The following CSMD1 variants were observed in gnomAD, a reference collection of about 807,000 sequenced individuals.
The protein encoded by CSMD1 is CUB and Sushi multiple domains 1.
CSMD1 carries 213 observed loss-of-function variants against 417.5 expected under a neutral mutation model. The ratio of observed to expected loss-of-function variants is 0.51; its 90% CI spans 0.46 to 0.57. The LOEUF is 0.57. CSMD1 is among the 20% of genes least tolerant of loss of function. The probability of loss-of-function intolerance (pLI) is 0.00; values close to 1 mark genes in which losing one functional copy is unlikely to be tolerated. For synonymous variants in CSMD1, 2,862 were observed against 1,736.8 expected, an observed-to-expected ratio of 1.65 and a Z score of -16.11; for missense variants, 6,923 against 4,529.7, an observed-to-expected ratio of 1.53 and a Z score of -15.17.
At chr8:4,973,224 G>A (rs1363103277) in intron 1 of CSMD1, among the ~76,000 whole-genome samples, 1 of 152,060 alleles carries the variant, frequency 6.6e-6, no homozygotes, top group Non-Finnish European at 1.5e-5. Context: ...ATATTATTGA[G>A]AGAAAGCATT....
chr8:3,411,898 GTATATATACACGTATATA>G (rs1812769927), intron 12 of CSMD1, among the ~76,000 whole-genome samples: 1 of 77,542 alleles, frequency 1.3e-5, no homozygotes, highest in Admixed American at 1.3e-4. Flanking sequence ...ATATATGCAC[GTATATATACACGTATATA>G]TGCACGTATA....
intron 2 of CSMD1, among the ~76,000 whole-genome samples, chr8:4,433,291 T>C (rs1252927327): frequency 2.0e-5 from 3 of 152,192 alleles, no homozygotes; most frequent in Admixed American, 1.3e-4. Context: ...CCCTGGTCCG[T>C]AGAAAAACTG....
At chr8:3,531,615 C>G (rs897659441) in intron 10 of CSMD1, among the ~76,000 whole-genome samples, 2 of 152,080 alleles carry the variant, frequency 1.3e-5, no homozygotes, top group Admixed American at 6.6e-5. Context: ...CTGGTCCACT[C>G]CAGGTTATGT....
At chr8:3,797,768 G>A (rs765742877) in intron 5 of CSMD1, among the ~76,000 whole-genome samples, 53 of 151,910 alleles carry the variant, frequency 3.5e-4, no homozygotes, top group Non-Finnish European at 6.0e-4. Context: ...TTCATTAAAC[G>A]TGATAAAACA....
intron 5 of CSMD1, among the ~76,000 whole-genome samples, chr8:3,905,169 G>T (rs1342373304): frequency 6.6e-6 from 1 of 151,648 alleles, no homozygotes; most frequent in Non-Finnish European, 1.5e-5. Flanking sequence ...TTAATAACAG[G>T]CAAACATAGA....
chr8:3,981,024 C>G (rs201462597), intron 5 of CSMD1, among the ~76,000 whole-genome samples: 2 of 152,198 alleles, frequency 1.3e-5, no homozygotes, highest in East Asian at 1.9e-4. Flanking sequence ...GTTCAACTAT[C>G]CTGTAGTAAC....
chr8:4,535,934 G>C (rs575435674), intron 2 of CSMD1, among the ~76,000 whole-genome samples: 2 of 152,086 alleles, frequency 1.3e-5, no homozygotes, highest in Non-Finnish European at 2.9e-5. Flanking sequence ...AATAAGAATT[G>C]AGAAACTTAG....
intron 5 of CSMD1, among the ~76,000 whole-genome samples, chr8:3,756,587 T>C (rs1797673106): frequency 6.6e-6 from 1 of 152,104 alleles, no homozygotes; most frequent in South Asian, 2.1e-4. Context: ...CTCAAAATAC[T>C]GCACTGATAT....
Position 4,312,465 on chromosome 8 carries a change from G to A in CSMD1, c.415+107488C>T, listed in dbSNP as rs1020887086. Among the ~76,000 whole-genome samples the A allele has an allele frequency of 4.8e-4, 57 of 119,256 alleles. 2 individuals are homozygous for A. The highest frequency in any genetic ancestry group is 1.9e-3 in the African/African-American group (46 of 24,208). The allele number at this position is 119,256 out of a possible 152,430, so 78.2% of individuals were successfully genotyped here. ...TATATATATACGTATATATATGCGC[G>A]TATATATATATATACACATATAGAA... On this transcript the variant is annotated intron_variant, in intron 3 of 69. Coordinates refer to ENST00000635120, the MANE Select transcript of CSMD1 (RefSeq NM_033225.6).
intron 7 of CSMD1, among the ~76,000 whole-genome samples, chr8:3,686,725 C>A (rs1415749928): frequency 6.6e-6 from 1 of 152,204 alleles, no homozygotes; most frequent in Admixed American, 6.5e-5. Flanking sequence ...CTTGGCCTTG[C>A]CACGTTTCAC....
At chr8:3,290,617 C>T (rs903330444) in intron 25 of CSMD1, among the ~76,000 whole-genome samples, 1 of 147,040 alleles carries the variant, frequency 6.8e-6, no homozygotes, top group Non-Finnish European at 1.5e-5. Flanking sequence ...CATGATTTGG[C>T]TCTCTGTTTG....
At chr8:3,686,810 T>C (rs915565578) in intron 7 of CSMD1, among the ~76,000 whole-genome samples, 6 of 152,234 alleles carry the variant, frequency 3.9e-5, no homozygotes, top group African/African-American at 1.4e-4. Flanking sequence ...CATTTCCTTA[T>C]GAGGGCTCCC....
chr8:4,896,043 G>C (rs1314703631), intron 1 of CSMD1, among the ~76,000 whole-genome samples: 1 of 151,954 alleles, frequency 6.6e-6, no homozygotes, highest in Non-Finnish European at 1.5e-5. Context: ...ACAATTCTTT[G>C]TAGTTCAATG....
chr8:4,073,007 G>A (rs1290621608), intron 3 of CSMD1, among the ~76,000 whole-genome samples: 2 of 152,134 alleles, frequency 1.3e-5, no homozygotes, highest in African/African-American at 2.4e-5. Context: ...TACTCTATAT[G>A]TAAGGACCAA....
chr8:3,037,071 G>A (rs1810730687), intron 50 of CSMD1, among the ~76,000 whole-genome samples: 1 of 152,144 alleles, frequency 6.6e-6, no homozygotes, highest in African/African-American at 2.4e-5. Context: ...AGAACATAAC[G>A]ATATTTGGTC....
chr8:3,896,901 G>T (rs941646118), intron 5 of CSMD1, among the ~76,000 whole-genome samples: 4 of 151,618 alleles, frequency 2.6e-5, no homozygotes, highest in Admixed American at 6.6e-5. Context: ...TTGATGTTTG[G>T]TTCTCCAATA....
At chr8:4,692,586 C>A (rs529650683) in intron 1 of CSMD1, among the ~76,000 whole-genome samples, 4 of 152,256 alleles carry the variant, frequency 2.6e-5, no homozygotes, top group Non-Finnish European at 5.9e-5. Flanking sequence ...TGGGTGAGAG[C>A]GTTTCCAAGG....
Position 4,767,212 on chromosome 8 carries a change from C to A in CSMD1, c.86-129654G>T, listed in dbSNP as rs17071252. Among the ~76,000 whole-genome samples, 1,147 of 152,246 alleles carry A rather than the reference C, an allele frequency of 7.5e-3. 19 individuals carry two copies. Among genetic ancestry groups the A allele is most frequent in the African/African-American group, 0.027 (1,106 of 41,526 alleles). On this transcript the variant is annotated intron_variant, in intron 1 of 69. Transcript: ENST00000635120. ...TTAGCTTATTGAAGGCCATAATTTG[C>A]AGATGTACACTGTCGAGTCCCAAAT...
chr8:4,593,945 G>C (rs779709699), intron 2 of CSMD1, among the ~76,000 whole-genome samples: 2 of 152,080 alleles, frequency 1.3e-5, no homozygotes, highest in Non-Finnish European at 2.9e-5. Context: ...AATGTCAGGA[G>C]GATCACGTTC....
Sources: gnomAD v4.1 joint callset for allele counts (sites outside exome capture counted in the v4.1 genomes callset) on GRCh38, gnomAD v4.1.1 for gene constraint, MANE v1.5 for transcripts, NCBI Gene and HGNC (gene_info 2026-07-23, HGNC 2026-07-21) for gene names.